The following SCAMP1 variants were observed in gnomAD, a reference collection of about 807,000 sequenced individuals.
SCAMP1 encodes the protein secretory carrier membrane protein 1.
SCAMP1 carries 15 observed loss-of-function variants against 41.8 expected under a neutral mutation model. The observed-to-expected ratio is 0.36, with a 90% CI of 0.24 to 0.55. SCAMP1 has a LOEUF of 0.55. Among genes scored for constraint, SCAMP1 ranks in the 20% least tolerant of loss-of-function variants. The pLI, the probability that SCAMP1 is intolerant of heterozygous loss-of-function variation, is 0.86. For missense variants in SCAMP1, 341 were observed against 412.6 expected, an observed-to-expected ratio of 0.83 and a Z score of 1.50; for synonymous variants, 135 against 136.8, an observed-to-expected ratio of 0.99 and a Z score of 0.09.
chr5:78,449,080 G>T (rs1047007303), intron 6 of SCAMP1, among the ~76,000 whole-genome samples: 2 of 151,618 alleles, frequency 1.3e-5, no homozygotes, highest in Non-Finnish European at 2.9e-5. Flanking sequence ...AAAGTTAAAC[G>T]TATACCTATG....
At position 78,405,412 on chromosome 5, in the gene SCAMP1, C is replaced by A. The variant is rs74568819; in HGVS notation, c.136-10108C>A. 1.7e-3 allele frequency among the ~76,000 whole-genome samples: 254 copies of A among 152,294 alleles called. 6 individuals carry two copies. The East Asian group carries it at 0.045, about 27-fold the overall frequency. On this transcript the variant is annotated intron_variant, in intron 2 of 8. Coordinates refer to ENST00000621999, the MANE Select transcript of SCAMP1 (RefSeq NM_004866.6). ...GACTTTGCACTGGTTGTCACCTCTGCTTAAAATGGTCTTCCCCCCAGGTAG... is the reference window on the plus strand; with the variant it reads ...GACTTTGCACTGGTTGTCACCTCTGATTAAAATGGTCTTCCCCCCAGGTAG...
chr5:78,416,993 C>T (rs1285311010), intron 4 of SCAMP1, among the ~76,000 whole-genome samples: 1 of 152,136 alleles, frequency 6.6e-6, no homozygotes, highest in East Asian at 1.9e-4. Flanking sequence ...TTGCATGTAC[C>T]CTACATTTGA....
intron 2 of SCAMP1, among the ~76,000 whole-genome samples, chr5:78,400,672 G>A (rs950648517): frequency 2.5e-4 from 38 of 152,180 alleles, no homozygotes; most frequent in African/African-American, 9.2e-4. Flanking sequence ...ACATATGAAA[G>A]TGATTGACTT....
At chr5:78,361,742 G>A (rs1750659049) in intron 1 of SCAMP1, among the ~76,000 whole-genome samples, 1 of 152,222 alleles carries the variant, frequency 6.6e-6, no homozygotes, top group African/African-American at 2.4e-5. Context: ...CCGGCCATGT[G>A]CAGTAGTAAC....
chr5:78,390,686 G>T, intron 2 of SCAMP1, among the ~76,000 whole-genome samples: 1 of 149,954 alleles, frequency 6.7e-6, no homozygotes, highest in African/African-American at 2.5e-5. Flanking sequence ...ATCATTCTTG[G>T]GTGTTTCTCA....
chr5:78,461,363 A>G (rs1189911872), intron 8 of SCAMP1, among the ~76,000 whole-genome samples: 1 of 152,162 alleles, frequency 6.6e-6, no homozygotes, highest in African/African-American at 2.4e-5. Flanking sequence ...TGTGGTGAGA[A>G]GTAGGGGTCA....
At chr5:78,420,146 C>G (rs1379724278) in intron 5 of SCAMP1, among the ~76,000 whole-genome samples, 1 of 152,146 alleles carries the variant, frequency 6.6e-6, no homozygotes, top group Non-Finnish European at 1.5e-5. Context: ...ACCTCCGCTT[C>G]CCGGGTTCAA....
intron 8 of SCAMP1, among the ~76,000 whole-genome samples, chr5:78,466,503 C>T (rs1411240679): frequency 1.3e-5 from 2 of 152,124 alleles, no homozygotes; most frequent in Non-Finnish European, 2.9e-5. Flanking sequence ...ACCACGTTCA[C>T]ATCTAGTTGT....
intron 1 of SCAMP1, among the ~76,000 whole-genome samples, chr5:78,384,390 T>A (rs1266313853): frequency 6.6e-6 from 1 of 152,178 alleles, no homozygotes. Context: ...TATGATCATG[T>A]CATCAGCAAA....
intron 6 of SCAMP1, among the ~76,000 whole-genome samples, chr5:78,431,730 C>T (rs775573825): frequency 4.0e-5 from 6 of 151,800 alleles, no homozygotes; most frequent in African/African-American, 9.7e-5. Flanking sequence ...CAGCAGAGTA[C>T]TCTCAGTTCC....
At position 78,475,413 on chromosome 5, in the gene SCAMP1, T is replaced by C. The variant is rs1475119786; in HGVS notation, c.853-91T>C. On this transcript the variant is annotated intron_variant, in intron 8 of 8. Coordinates refer to ENST00000621999, the MANE Select transcript of SCAMP1 (RefSeq NM_004866.6). ...GGAATCATGACTACAATCTAGTATT[T>C]TTATGTTTGATTAATGTTGAGATTA... is the stretch of plus-strand genomic sequence containing the variant. The C allele has an allele frequency of 4.4e-6, 4 of 910,754 alleles. No individual in the cohort carries two copies. The African/African-American group carries it at 6.7e-5, about 15-fold the overall frequency. 56.4% of individuals were successfully genotyped at this position (910,754 alleles called of 1,614,324 possible).
chr5:78,396,244 GT>G (rs1751646834), intron 2 of SCAMP1, among the ~76,000 whole-genome samples: 2 of 152,160 alleles, frequency 1.3e-5, no homozygotes, highest in African/African-American at 2.4e-5. Flanking sequence ...AATGTAAACT[GT>G]GGATTTGGGT....
intron 7 of SCAMP1, among the ~76,000 whole-genome samples, chr5:78,457,123 G>C (rs1753429474): frequency 6.8e-6 from 1 of 146,210 alleles, no homozygotes; most frequent in Non-Finnish European, 1.5e-5. Context: ...CTTTGCCTTT[G>C]GTTTGAATGT....
chr5:78,458,605 G>A (rs1753496465), intron 7 of SCAMP1, among the ~76,000 whole-genome samples: 1 of 152,120 alleles, frequency 6.6e-6, no homozygotes, highest in African/African-American at 2.4e-5. Context: ...GTAATAATAG[G>A]CCAGGTGCAG....
chr5:78,420,561 C>G (rs1258815913), intron 5 of SCAMP1, among the ~76,000 whole-genome samples: 1 of 151,816 alleles, frequency 6.6e-6, no homozygotes, highest in Non-Finnish European at 1.5e-5. Context: ...GTGAGAGTGT[C>G]TCTTTTGTGA....
chr5:78,456,280 C>T (rs1367405469), intron 7 of SCAMP1, among the ~76,000 whole-genome samples: 9 of 150,110 alleles, frequency 6.0e-5, no homozygotes, highest in Middle Eastern at 3.4e-3. Context: ...TTCCTAGTCT[C>T]GATGGTCTTT....
intron 7 of SCAMP1, among the ~76,000 whole-genome samples, chr5:78,458,220 G>A (rs1189084601): frequency 1.3e-5 from 2 of 152,076 alleles, no homozygotes; most frequent in South Asian, 2.1e-4. Flanking sequence ...CGCATGTTTA[G>A]TTTTCTAAAG....
chr5:78,376,096 CA>C (rs1197783231), intron 1 of SCAMP1, among the ~76,000 whole-genome samples: 4 of 152,096 alleles, frequency 2.6e-5, no homozygotes, highest in Admixed American at 6.6e-5. Flanking sequence ...TTTTGAGGCT[CA>C]GGGGGGCATC....
intron 7 of SCAMP1, among the ~76,000 whole-genome samples, chr5:78,458,828 C>T (rs368265019): frequency 2.0e-4 from 31 of 152,144 alleles, no homozygotes; most frequent in Admixed American, 1.6e-3. Context: ...TACAATGAGC[C>T]GAGATCATGC....
Sources: gnomAD v4.1 joint callset for allele counts (sites outside exome capture counted in the v4.1 genomes callset) on GRCh38, gnomAD v4.1.1 for gene constraint, MANE v1.5 for transcripts, NCBI Gene and HGNC (gene_info 2026-07-23, HGNC 2026-07-21) for gene names.